Variants in WLS observed in about 807,000 individuals in gnomAD.
WLS encodes protein wntless homolog.
WLS carries 23 observed loss-of-function variants against 62.8 expected under a neutral mutation model. That is an observed-to-expected ratio of 0.37 (90% CI 0.26 to 0.52). WLS has a LOEUF of 0.52. WLS is among the 20% of genes least tolerant of loss of function. The pLI is 0.92. For synonymous variants in WLS, 246 were observed against 244.1 expected (o/e 1.01, Z -0.07); for missense variants, 615 against 697.3 (o/e 0.88, Z 1.33).
intron 11 of WLS, among the ~76,000 whole-genome samples, chr1:68,115,763 T>C (rs996413272): frequency 1.6e-5 from 2 of 126,564 alleles, no homozygotes; most frequent in Non-Finnish European, 3.9e-5. Flanking sequence ...GACTTTAAAA[T>C]ATGTTTTTCT....
chr1:68,199,641 A>G (rs1306791757), intron 1 of WLS, among the ~76,000 whole-genome samples: 1 of 152,212 alleles, frequency 6.6e-6, no homozygotes, highest in Non-Finnish European at 1.5e-5. Flanking sequence ...TTTTCTAATC[A>G]GTGGTATAAT....
At chr1:68,151,404 A>T (rs1646823486) in intron 5 of WLS, among the ~76,000 whole-genome samples, 1 of 152,228 alleles carries the variant, frequency 6.6e-6, no homozygotes, top group African/African-American at 2.4e-5. Context: ...GGAATCCAAT[A>T]AAAAGTTTAA....
intron 11 of WLS, chr1:68,127,054 G>T: frequency 2.5e-6 from 1 of 393,360 alleles, no homozygotes; most frequent in South Asian, 1.8e-5. Flanking sequence ...AATTACCTGC[G>T]TGCAGTAACT....
intron 10 of WLS, chr1:68,138,212 T>C: frequency 2.6e-6 from 1 of 386,306 alleles, no homozygotes; most frequent in Non-Finnish European, 4.7e-6. Flanking sequence ...CAGCAATTCA[T>C]TGCTATCCCT....
intron 2 of WLS, among the ~76,000 whole-genome samples, chr1:68,165,748 G>A (rs552250876): frequency 5.4e-4 from 82 of 152,298 alleles, no homozygotes; most frequent in African/African-American, 1.9e-3. Context: ...ATTCCAAGTC[G>A]TCCATGAGTC....
intron 11 of WLS, 126 bp downstream of exon 11, chr1:68,137,654 C>A: frequency 9.2e-7 from 1 of 1,090,068 alleles, no homozygotes; most frequent in East Asian, 2.5e-5. Context: ...CACCGTCTCC[C>A]AGTGTGAGGA....
intron 1 of WLS, among the ~76,000 whole-genome samples, chr1:68,195,358 A>C (rs535696434): frequency 3.6e-4 from 55 of 152,210 alleles, no homozygotes; most frequent in Admixed American, 1.7e-3. Context: ...ATCATCTCTT[A>C]GATGGCAATA....
At chr1:68,107,332 T>C (rs1331607384) in intron 11 of WLS, among the ~76,000 whole-genome samples, 1 of 152,166 alleles carries the variant, frequency 6.6e-6, no homozygotes, top group Non-Finnish European at 1.5e-5. Context: ...ATGTGGCAAT[T>C]TATCTTTGAA....
intron 11 of WLS, among the ~76,000 whole-genome samples, chr1:68,130,074 G>A (rs1392654270): frequency 6.6e-6 from 1 of 152,226 alleles, no homozygotes; most frequent in Non-Finnish European, 1.5e-5. Context: ...CCACAGGTGT[G>A]TAAGCGGCTG....
chr1:68,149,523 A>G (rs1387077207), intron 6 of WLS, among the ~76,000 whole-genome samples: 1 of 151,990 alleles, frequency 6.6e-6, no homozygotes, highest in Non-Finnish European at 1.5e-5. Flanking sequence ...AAAACAGTCC[A>G]CTCTGCTGTG....
chr1:68,188,680 T>A (rs61011084), intron 2 of WLS, among the ~76,000 whole-genome samples: 22,573 of 152,160 alleles, frequency 0.15, 1,890 homozygotes, highest in East Asian at 0.29. Context: ...AGCCCTTCAT[T>A]TGTGAGAAGA....
In WLS at chr1:68,125,921, C is replaced by G; in HGVS notation, c.*305G>C. On this transcript the variant is annotated 3_prime_UTR_variant, in exon 12 of 12. Coordinates refer to ENST00000262348, the MANE Select transcript of WLS (RefSeq NM_024911.7). Reference sequence around the variant, plus strand: ...CAAGGAATACACCCCCACCCCACCCCCACATGAGGTTTACTAACCAGCTGC... The same window carrying G: ...CAAGGAATACACCCCCACCCCACCCGCACATGAGGTTTACTAACCAGCTGC... 8.9e-7 allele frequency: 1 copy of G among 1,119,426 alleles called. No individual in the cohort carries two copies. Among genetic ancestry groups the G allele is most frequent in the Non-Finnish European group, 1.1e-6 (1 of 914,240 alleles). 69.3% of individuals were successfully genotyped at this position (1,119,426 alleles called of 1,614,324 possible). A position where few individuals can be genotyped will look rare whatever the true frequency, so the allele number is the denominator to read the frequency against.
At chr1:68,180,414 G>A (rs1242192109) in intron 2 of WLS, among the ~76,000 whole-genome samples, 1 of 152,108 alleles carries the variant, frequency 6.6e-6, no homozygotes, top group Non-Finnish European at 1.5e-5. Flanking sequence ...GCAAGATGTT[G>A]AGGAAAAGCT....
chr1:68,210,455 AG>A (rs1043506389), intron 1 of WLS, among the ~76,000 whole-genome samples: 1 of 152,238 alleles, frequency 6.6e-6, no homozygotes, highest in African/African-American at 2.4e-5. Context: ...CAGTCATGGA[AG>A]CCAGTTTTCC....
At chr1:68,103,127 CTG>C (rs1368320444) in intron 11 of WLS, among the ~76,000 whole-genome samples, 2 of 152,192 alleles carry the variant, frequency 1.3e-5, no homozygotes, top group African/African-American at 2.4e-5. Context: ...GTGCATACCT[CTG>C]TGAATTACAT....
At chr1:68,142,117 C>T (rs1020464337) in intron 10 of WLS, among the ~76,000 whole-genome samples, 1 of 152,196 alleles carries the variant, frequency 6.6e-6, no homozygotes, top group Non-Finnish European at 1.5e-5. Context: ...AAGAAGTACA[C>T]TAATTAAACA....
At position 68,163,026 on chromosome 1, in the gene WLS, C is replaced by G. The variant is rs578188830; in HGVS notation, c.380-3779G>C. ...CAGGGGGCCGTTCATGATCTGGGGG[C>G]GGATACCTTCACAAATTCTGTCCAA... On this transcript the variant is annotated intron_variant, in intron 2 of 11. Coordinates refer to ENST00000262348, the MANE Select transcript of WLS (RefSeq NM_024911.7). 3.1e-6 allele frequency: 5 copies of G among 1,588,980 alleles called. No individual in the cohort carries two copies. The Admixed American group carries it at 6.8e-5, about 21-fold the overall frequency.
At position 68,232,523 on chromosome 1, in the gene WLS, T is replaced by A; in HGVS notation, c.-224A>T. 2 of 866,526 alleles carry A rather than the reference T, an allele frequency of 2.3e-6. No homozygotes were observed. The highest frequency in any genetic ancestry group is 3.2e-6 in the Non-Finnish European group (2 of 615,966). The allele number at this position is 866,526 out of a possible 1,614,324, so 53.7% of individuals were successfully genotyped here. On this transcript the variant is annotated 5_prime_UTR_variant, in exon 1 of 12. Coordinates refer to ENST00000262348, the MANE Select transcript of WLS (RefSeq NM_024911.7). ...CCCCCAATGCCCGGAGCTGTGATTG[T>A]GGCCGCTCCGCCGCCTGTGGACGCT...
chr1:68,141,152 G>C (rs568282626), intron 10 of WLS, among the ~76,000 whole-genome samples: 23 of 152,250 alleles, frequency 1.5e-4, no homozygotes, highest in African/African-American at 5.5e-4. Context: ...CAGTAGTCTT[G>C]ACAACCAACA....
Sources: allele counts gnomAD v4.1 joint callset (sites outside exome capture counted in the v4.1 genomes callset), GRCh38; gene constraint gnomAD v4.1.1; transcripts MANE v1.5; gene names NCBI Gene and HGNC (gene_info 2026-07-23, HGNC 2026-07-21).